The following CLNK variants were observed in gnomAD, a reference collection of about 807,000 sequenced individuals.
CLNK encodes the protein cytokine dependent hematopoietic cell linker.
CLNK carries 74 observed loss-of-function variants against 68.6 expected under a neutral mutation model. The ratio of observed to expected loss-of-function variants is 1.08; its 90% CI spans 0.89 to 1.31. The LOEUF (loss-of-function observed/expected upper bound fraction) is 1.31, where lower values mean the gene tolerates loss of function less well. Among genes scored for constraint, CLNK ranks in the 50% most tolerant of loss-of-function variants. The probability of loss-of-function intolerance (pLI) is 0.00; values close to 1 mark genes in which losing one functional copy is unlikely to be tolerated. For synonymous variants in CLNK, 198 were observed against 172.2 expected, an observed-to-expected ratio of 1.15 and a Z score of -1.17; for missense variants, 553 against 515.3, an observed-to-expected ratio of 1.07 and a Z score of -0.71.
chr4:10,668,310 AT>A (rs1407052218), intron 1 of CLNK, among the ~76,000 whole-genome samples: 1 of 152,178 alleles, frequency 6.6e-6, no homozygotes, highest in Non-Finnish European at 1.5e-5. Context: ...ACCATAAAAT[AT>A]TTATTGCAAG....
intron 11 of CLNK, 123 bp downstream of exon 11, chr4:10,540,371 C>A: frequency 1.4e-6 from 1 of 699,142 alleles, no homozygotes; most frequent in Non-Finnish European, 2.6e-6. Flanking sequence ...TTTGAATGGA[C>A]CAATACACTC....
the CLNK span, among the ~76,000 whole-genome samples, chr4:10,717,775 G>C: frequency 4.6e-5 from 7 of 152,110 alleles, no homozygotes; most frequent in African/African-American, 1.7e-4. Flanking sequence ...AAAATCCAGA[G>C]TCTCATAATA....
At chr4:10,643,883 A>G (rs1723411697) in intron 2 of CLNK, among the ~76,000 whole-genome samples, 3 of 152,240 alleles carry the variant, frequency 2.0e-5, no homozygotes, top group Non-Finnish European at 4.4e-5. Context: ...TCCCTAGATC[A>G]TGTTACATGG....
At chr4:10,734,642 G>C in the CLNK span, among the ~76,000 whole-genome samples, 2 of 152,102 alleles carry the variant, frequency 1.3e-5, no homozygotes, top group Non-Finnish European at 2.9e-5. Flanking sequence ...AATCTTCTTC[G>C]ATGTCAAAAT....
chr4:10,535,997 C>T (rs1237147569), intron 11 of CLNK, among the ~76,000 whole-genome samples: 2 of 152,178 alleles, frequency 1.3e-5, no homozygotes, highest in Admixed American at 1.3e-4. Context: ...GTGACGTTTT[C>T]CTTTACTGAA....
chr4:10,546,354 C>T (rs1719232952), intron 8 of CLNK, among the ~76,000 whole-genome samples: 1 of 152,190 alleles, frequency 6.6e-6, no homozygotes, highest in African/African-American at 2.4e-5. Context: ...TGCTAGATAT[C>T]CTAGTTTATC....
At chr4:10,495,630 A>G (rs906185678) in intron 18 of CLNK, among the ~76,000 whole-genome samples, 2 of 152,176 alleles carry the variant, frequency 1.3e-5, no homozygotes, top group African/African-American at 4.8e-5. Context: ...AAGAGCTAAT[A>G]CTATTTTACA....
At chr4:10,569,512 G>A (rs778839080) in intron 5 of CLNK, among the ~76,000 whole-genome samples, 2 of 152,164 alleles carry the variant, frequency 1.3e-5, no homozygotes, top group African/African-American at 4.8e-5. Context: ...TCAGAGTCAT[G>A]AGAAAATAAA....
intron 1 of CLNK, among the ~76,000 whole-genome samples, chr4:10,682,121 T>TTGTG (rs138607439): frequency 1.1e-4 from 16 of 151,082 alleles, no homozygotes; most frequent in Admixed American, 4.0e-4. Context: ...ACAATTCTGT[T>TTGTG]TGTGTGTGTG....
intron 2 of CLNK, among the ~76,000 whole-genome samples, chr4:10,617,904 T>A (rs965175143): frequency 6.6e-6 from 1 of 152,160 alleles, no homozygotes; most frequent in African/African-American, 2.4e-5. Flanking sequence ...GTTCCTTACA[T>A]CTGAATCACT....
chr4:10,616,978 G>A (rs1466051756), intron 2 of CLNK, among the ~76,000 whole-genome samples: 1 of 151,868 alleles, frequency 6.6e-6, no homozygotes. Context: ...GGCACACCTA[G>A]GATGAAACTC....
At chr4:10,649,588 A>G (rs1295220810) in intron 2 of CLNK, among the ~76,000 whole-genome samples, 1 of 152,138 alleles carries the variant, frequency 6.6e-6, no homozygotes, top group East Asian at 1.9e-4. Context: ...GCCCCTAAAG[A>G]GCTGCTCTCT....
intron 12 of CLNK, chr4:10,531,304 C>G (rs752943634): frequency 3.9e-5 from 6 of 152,668 alleles, no homozygotes. Context: ...GTTTATCTCA[C>G]ATGACTTTTA....
chr4:10,503,501 A>G (rs901007421), intron 17 of CLNK, among the ~76,000 whole-genome samples: 1 of 149,330 alleles, frequency 6.7e-6, no homozygotes, highest in Non-Finnish European at 1.5e-5. Flanking sequence ...TATATATATA[A>G]TGATTTATAG....
intron 2 of CLNK, among the ~76,000 whole-genome samples, chr4:10,664,165 T>C (rs1032517921): frequency 6.6e-5 from 10 of 152,080 alleles, no homozygotes; most frequent in African/African-American, 2.2e-4. Flanking sequence ...TTCCAGATTA[T>C]AGAATTATGA....
chr4:10,667,985 GCT>G, intron 1 of CLNK, 74 bp from the exon 2 acceptor site: 1 of 782,590 alleles, frequency 1.3e-6, no homozygotes, highest in Non-Finnish European at 2.0e-6. Flanking sequence ...AGCCACTGTT[GCT>G]GCTTGTTAAA....
chr4:10,537,911 T>G (rs2108806643), intron 11 of CLNK, among the ~76,000 whole-genome samples: 1 of 151,648 alleles, frequency 6.6e-6, no homozygotes, highest in African/African-American at 2.4e-5. Context: ...GATGGTTATT[T>G]TCTTCTTATA....
chr4:10,501,425 A>G lies in CLNK; in HGVS notation c.985-14T>C, dbSNP rs1318258566. 3.7e-6 allele frequency: 6 copies of G among 1,604,590 alleles called. No individual in the cohort carries two copies. The highest frequency in any genetic ancestry group is 3.5e-5 in the Admixed American group (2 of 57,612). On this transcript the variant is annotated splice_polypyrimidine_tract_variant and intron_variant, in intron 17 of 18. Coordinates refer to ENST00000226951, the MANE Select transcript of CLNK (RefSeq NM_052964.4). ...GAAACTACCATCCTGAAGCAAAAAG[A>G]GTAACAGTCATCTTTTCAGACACGC...
intron 2 of CLNK, among the ~76,000 whole-genome samples, chr4:10,653,961 T>C (rs1369915748): frequency 6.6e-6 from 1 of 151,974 alleles, no homozygotes; most frequent in Non-Finnish European, 1.5e-5. Flanking sequence ...ATCAATGATA[T>C]TGAACCAATA....
Sources: gnomAD v4.1 joint callset for allele counts (sites outside exome capture counted in the v4.1 genomes callset) on GRCh38, gnomAD v4.1.1 for gene constraint, MANE v1.5 for transcripts, NCBI Gene and HGNC (gene_info 2026-07-23, HGNC 2026-07-21) for gene names.